SYN3: variants seen among roughly 807,000 people sequenced by gnomAD.
SYN3 encodes the protein synapsin-3.
Under a neutral mutation model 65.8 loss-of-function variants are expected in SYN3, and 35 were observed. The ratio of observed to expected loss-of-function variants is 0.53; its 90% CI spans 0.41 to 0.70. SYN3 has a LOEUF of 0.70. Ranked by LOEUF, SYN3 falls within the 30% of genes least tolerant of loss-of-function variation. SYN3 has a pLI of 0.00. For synonymous variants in SYN3, 270 were observed against 292.9 expected (o/e 0.92, Z 0.80); for missense variants, 680 against 749.0 (o/e 0.91, Z 1.08).
intron 1 of SYN3, among the ~76,000 whole-genome samples, chr22:33,023,474 C>T (rs1171776165): frequency 2.0e-5 from 3 of 152,142 alleles, no homozygotes; most frequent in African/African-American, 7.2e-5. Context: ...TTCATTAAAC[C>T]CCTTTCCTTT....
chr22:32,802,438 G>A (rs2046614884), intron 6 of SYN3, among the ~76,000 whole-genome samples: 2 of 152,076 alleles, frequency 1.3e-5, no homozygotes, highest in Admixed American at 6.5e-5. Flanking sequence ...CGGAGGAAGG[G>A]CTAGAAGAGA....
chr22:32,959,603 C>T (rs1347539347), intron 3 of SYN3, among the ~76,000 whole-genome samples: 1 of 151,828 alleles, frequency 6.6e-6, no homozygotes, highest in Admixed American at 6.6e-5. Context: ...AGGCCTCAGA[C>T]ACTTTTTTTT....
At chr22:32,649,413 T>C (rs1179236806) in intron 6 of SYN3, among the ~76,000 whole-genome samples, 1 of 152,190 alleles carries the variant, frequency 6.6e-6, no homozygotes, top group African/African-American at 2.4e-5. Flanking sequence ...ATGTACCGAG[T>C]ACAGGCATTT....
chr22:32,622,159 C>T (rs929916857), intron 6 of SYN3, among the ~76,000 whole-genome samples: 3 of 151,936 alleles, frequency 2.0e-5, no homozygotes, highest in Admixed American at 1.3e-4. Flanking sequence ...GAAAACCAGC[C>T]GACTGGAAAA....
chr22:32,980,766 C>A, intron 2 of SYN3, 64 bp from the exon 3 acceptor site: 2 of 1,486,374 alleles, frequency 1.3e-6, no homozygotes, highest in Non-Finnish European at 1.9e-6. Flanking sequence ...CTCCCTTCTC[C>A]CAAAGGCCTT....
intron 4 of SYN3, among the ~76,000 whole-genome samples, chr22:32,880,805 A>G (rs2049110863): frequency 6.6e-6 from 1 of 152,234 alleles, no homozygotes; most frequent in Non-Finnish European, 1.5e-5. Flanking sequence ...GTTAGGTACA[A>G]GTTGCGCGTC....
At chr22:32,753,262 C>G (rs2045191718) in intron 6 of SYN3, among the ~76,000 whole-genome samples, 1 of 152,190 alleles carries the variant, frequency 6.6e-6, no homozygotes, top group African/African-American at 2.4e-5. Context: ...AGATACAGAT[C>G]CCATGACTCC....
rs779017473 is a variant in SYN3, at chr22:32,858,022, G to C, written c.711+6893C>G. 1.2e-6 allele frequency: 2 copies of C among 1,614,152 alleles called. No homozygotes were observed. The highest frequency in any genetic ancestry group is 1.7e-6 in the Non-Finnish European group (2 of 1,180,024). ...TTTCTTCTTTCCTCCTGTAGGTCGC[G>C]TCTATGATGGCAAGATGTACACGGG... On this transcript the variant is annotated intron_variant, in intron 6 of 13. Transcript: ENST00000358763.
chr22:32,868,962 C>G lies in SYN3; in HGVS notation c.621+4G>C, dbSNP rs371958148. On this transcript the variant is annotated splice_donor_region_variant and intron_variant, in intron 5 of 13. Transcript: ENST00000358763. ...CCTCCAGGTCAGCCTGCCCTGTCAC[C>G]TACCACCCAGGGCTTGCTGCAGAAG... 2.7e-5 allele frequency: 44 copies of G among 1,613,204 alleles called. No homozygotes were observed. In the African/African-American group the frequency reaches 5.6e-4, roughly 21 times the overall value.
At chr22:32,964,000 G>A (rs369698325) in intron 3 of SYN3, among the ~76,000 whole-genome samples, 13 of 152,022 alleles carry the variant, frequency 8.6e-5, no homozygotes, top group African/African-American at 3.1e-4. Flanking sequence ...GAGCCTTCCC[G>A]TCTCCTCCCT....
chr22:32,737,987 C>T (rs1332343427), intron 6 of SYN3, among the ~76,000 whole-genome samples: 1 of 152,180 alleles, frequency 6.6e-6, no homozygotes, highest in African/African-American at 2.4e-5. Context: ...ATTGTGACAT[C>T]TTCTTGTGGT....
At chr22:32,598,491 TAATA>T (rs1569077177) in intron 6 of SYN3, among the ~76,000 whole-genome samples, 6 of 140,938 alleles carry the variant, frequency 4.3e-5, no homozygotes, top group African/African-American at 1.8e-4. Context: ...AGACTTTAAA[TAATA>T]TTTTTTTTGA....
intron 3 of SYN3, among the ~76,000 whole-genome samples, chr22:32,952,638 C>G (rs2051326134): frequency 6.6e-6 from 1 of 152,038 alleles, no homozygotes; most frequent in Non-Finnish European, 1.5e-5. Context: ...TGCCTATCGT[C>G]CTAGTTACTT....
intron 12 of SYN3, among the ~76,000 whole-genome samples, chr22:32,527,411 C>A (rs1225822631): frequency 6.6e-6 from 1 of 152,092 alleles, no homozygotes; most frequent in Non-Finnish European, 1.5e-5. Flanking sequence ...ACCAGCCTGG[C>A]CAACATGGTG....
chr22:32,652,254 C>A (rs547617841), intron 6 of SYN3, among the ~76,000 whole-genome samples: 7 of 152,258 alleles, frequency 4.6e-5, no homozygotes, highest in Middle Eastern at 3.4e-3. Flanking sequence ...CAGATTTCAC[C>A]ATGGCCCAGG....
At chr22:33,048,168 T>A (rs1372915849) in intron 1 of SYN3, among the ~76,000 whole-genome samples, 3 of 152,192 alleles carry the variant, frequency 2.0e-5, no homozygotes, top group South Asian at 4.1e-4. Flanking sequence ...ATATGCTGAT[T>A]ACCTTCCAGC....
chr22:32,884,580 T>C (rs2049237856), intron 4 of SYN3, among the ~76,000 whole-genome samples: 1 of 152,188 alleles, frequency 6.6e-6, no homozygotes, highest in Non-Finnish European at 1.5e-5. Context: ...AAGTAGCATA[T>C]CTTCAAAATC....
intron 4 of SYN3, among the ~76,000 whole-genome samples, chr22:32,923,567 G>A (rs1022778225): frequency 4.6e-5 from 7 of 152,218 alleles, no homozygotes; most frequent in African/African-American, 7.2e-5. Flanking sequence ...ACGTCTACAT[G>A]TCTTTGAAAG....
chr22:32,554,641 G>T (rs371196667), intron 7 of SYN3, among the ~76,000 whole-genome samples: 2 of 152,120 alleles, frequency 1.3e-5, no homozygotes, highest in African/African-American at 4.8e-5. Flanking sequence ...ATAGCCAATC[G>T]GAATTAGCTT....
Sources: gnomAD v4.1 joint callset for allele counts (sites outside exome capture counted in the v4.1 genomes callset) on GRCh38, gnomAD v4.1.1 for gene constraint, MANE v1.5 for transcripts, NCBI Gene and HGNC (gene_info 2026-07-23, HGNC 2026-07-21) for gene names.